The following BTAF1 variants were observed in gnomAD, a reference collection of about 807,000 sequenced individuals.
The protein encoded by BTAF1 is TATA-binding protein-associated factor 172.
Under a neutral mutation model 227.1 loss-of-function variants are expected in BTAF1, and 38 were observed. That is an observed-to-expected ratio of 0.17 (90% CI 0.13 to 0.22). The LOEUF is 0.22. Ranked by LOEUF, BTAF1 falls within the 10% of genes least tolerant of loss-of-function variation. The pLI, the probability that BTAF1 is intolerant of heterozygous loss-of-function variation, is 1.00. For missense variants in BTAF1, 1,598 were observed against 2,204.0 expected (o/e 0.73, Z 5.51); for synonymous variants, 742 against 751.9 (o/e 0.99, Z 0.21).
intron 7 of BTAF1, among the ~76,000 whole-genome samples, chr10:91,956,989 C>CA (rs1249009234): frequency 0.011 from 1,459 of 138,850 alleles, 18 homozygotes; most frequent in African/African-American, 0.035. Flanking sequence ...GTCTCTGTCT[C>CA]AAAAAAAAAA....
chr10:92,012,688 T>C (rs1303308328), intron 30 of BTAF1, among the ~76,000 whole-genome samples: 2 of 147,280 alleles, frequency 1.4e-5, no homozygotes, highest in Non-Finnish European at 3.0e-5. Flanking sequence ...AGAGAATCAC[T>C]TGAACCCGTG....
chr10:92,009,338 A>T (rs370343163), intron 28 of BTAF1, 130 bp downstream of exon 28: 1 of 957,752 alleles, frequency 1.0e-6, no homozygotes. Context: ...CACTTATGAA[A>T]AGTGAATGTA....
In BTAF1 at chr10:91,924,073, G is replaced by T. The variant is rs760151760; in HGVS notation, c.-4G>T. ...GGGGAGCTCCGAACCGCCGGCGCCC[G>T]GCCATGGCGGTCTCCAGGTGGGTCT... On this transcript the variant is annotated 5_prime_UTR_variant, in exon 1 of 38. Transcript: ENST00000265990. 3 of 1,608,512 alleles carry T rather than the reference G, an allele frequency of 1.9e-6. No individual in the cohort carries two copies. The highest frequency in any genetic ancestry group is 2.2e-5 in the East Asian group (1 of 44,452).
rs1850058218 is a variant in BTAF1 at position 92,008,167 on chromosome 10, A to G, written c.3705A>G (p.Gln1235=). The G allele has an allele frequency of 1.9e-6, 3 of 1,595,998 alleles. No homozygotes were observed. Among genetic ancestry groups the G allele is most frequent in the Non-Finnish European group, 2.6e-6 (3 of 1,176,254 alleles). ...DPPNMSAELI[Q]LKAKERHFLE... The stretch of plus-strand genomic sequence containing the variant: ...CAAACATGTCAGCAGAATTAATCCA[A>G]TTGAAAGCCAAGGAGCGACACTTTT... The change falls in exon 26 of 38, where the codon CAA becomes CAG. Residue 1235 remains glutamine, a synonymous_variant. Coordinates refer to ENST00000265990, the MANE Select transcript of BTAF1 (RefSeq NM_003972.3).
rs554692840 is a variant in BTAF1 at position 92,024,738 on chromosome 10, T to TTGTTTTTTTG, written c.4864-17_4864-16insGTTTTTTTGT. On this transcript the variant is annotated splice_polypyrimidine_tract_variant and intron_variant, in intron 34 of 37. Coordinates refer to ENST00000265990, the MANE Select transcript of BTAF1 (RefSeq NM_003972.3). ...TTTATTGAACGCTTATGTAGTTTTTTTTTTTTTTCTTCCTAAGTTGCTGTT... is the reference window on the plus strand; with the variant it reads ...TTTATTGAACGCTTATGTAGTTTTTTTGTTTTTTTGTTTTTTTTCTTCCTAAGTTGCTGTT... 74 of 1,570,664 alleles carry TTGTTTTTTTG rather than the reference T, an allele frequency of 4.7e-5. No homozygotes were observed. The highest frequency in any genetic ancestry group is 5.8e-5 in the Non-Finnish European group (68 of 1,166,040).
At chr10:91,962,073 T>G (rs1846563014) in intron 11 of BTAF1, among the ~76,000 whole-genome samples, 1 of 152,198 alleles carries the variant, frequency 6.6e-6, no homozygotes, top group African/African-American at 2.4e-5. Context: ...GATGTTACAT[T>G]TTTGTTTATG....
At chr10:91,982,497 A>G in intron 17 of BTAF1, 90 bp from the exon 18 acceptor site, 1 of 1,437,050 alleles carries the variant, frequency 7.0e-7, no homozygotes, top group Non-Finnish European at 9.3e-7. Flanking sequence ...TGCTTCAAGT[A>G]ATTATAGGAA....
chr10:91,948,992 G>A (rs4933705), intron 4 of BTAF1, among the ~76,000 whole-genome samples: 45,955 of 151,996 alleles, frequency 0.3, 8,534 homozygotes, highest in South Asian at 0.52. Flanking sequence ...TTTACATTGA[G>A]CGTTGTTATA....
chr10:91,991,279 T>TATATATATATATAA (rs1848731293), intron 20 of BTAF1, among the ~76,000 whole-genome samples: 1 of 98,422 alleles, frequency 1.0e-5, no homozygotes, highest in Non-Finnish European at 2.3e-5. Context: ...TAAATATATA[T>TATATATATATATAA]ATATATATAT....
Position 92,008,820 on chromosome 10 carries a change from C to T in BTAF1, c.3814-9C>T, listed in dbSNP as rs1564714080. 2 of 1,557,646 alleles carry T rather than the reference C, an allele frequency of 1.3e-6. No individual in the cohort carries two copies. The highest frequency in any genetic ancestry group is 1.7e-6 in the Non-Finnish European group (2 of 1,153,630). On this transcript the variant is annotated splice_polypyrimidine_tract_variant and intron_variant, in intron 26 of 37. Coordinates refer to ENST00000265990, the MANE Select transcript of BTAF1 (RefSeq NM_003972.3). ...ATGTATTCACATTTATGATTTTTCTCTCTATCAGGATGGTGTGAACTGGTT... is the reference window on the plus strand; with the variant it reads ...ATGTATTCACATTTATGATTTTTCTTTCTATCAGGATGGTGTGAACTGGTT...
At chr10:91,933,576 G>C (rs575799169) in intron 1 of BTAF1, among the ~76,000 whole-genome samples, 1 of 152,302 alleles carries the variant, frequency 6.6e-6, no homozygotes, top group African/African-American at 2.4e-5. Flanking sequence ...AGTATTGTAA[G>C]AATGGGGTGC....
intron 4 of BTAF1, among the ~76,000 whole-genome samples, chr10:91,946,938 C>G (rs1845410006): frequency 6.6e-6 from 1 of 151,576 alleles, no homozygotes. Flanking sequence ...CTCCTGAGTT[C>G]AAATGATTCT....
At chr10:91,959,251 G>A in intron 9 of BTAF1, 97 bp downstream of exon 9, 1 of 1,579,152 alleles carries the variant, frequency 6.3e-7, no homozygotes, top group Non-Finnish European at 8.6e-7. Flanking sequence ...AAGTAGGAAT[G>A]AGAGGTAAAT....
intron 30 of BTAF1, among the ~76,000 whole-genome samples, chr10:92,012,895 G>A (rs1850470457): frequency 6.6e-6 from 1 of 151,954 alleles, no homozygotes; most frequent in East Asian, 1.9e-4. Context: ...GTAATTTAAA[G>A]TATGTTATTG....
chr10:91,982,530 T>G, intron 17 of BTAF1, 57 bp from the exon 18 acceptor site: 1 of 1,519,814 alleles, frequency 6.6e-7, no homozygotes, highest in Non-Finnish European at 8.8e-7. Flanking sequence ...TCCCGAAGTA[T>G]GGGGAAACTT....
chr10:91,929,893 A>C (rs1255064179), intron 1 of BTAF1, among the ~76,000 whole-genome samples: 1 of 152,130 alleles, frequency 6.6e-6, no homozygotes, highest in African/African-American at 2.4e-5. Flanking sequence ...TGACAGAAGG[A>C]ACTATTGTAA....
At chr10:92,027,657 A>G (rs1202820845) in intron 37 of BTAF1, among the ~76,000 whole-genome samples, 2 of 152,168 alleles carry the variant, frequency 1.3e-5, no homozygotes, top group East Asian at 3.9e-4. Flanking sequence ...TTCTATACCT[A>G]TTTTACTACA....
At chr10:91,991,288 A>ATATATATATATATATATATATATT (rs1329964402) in intron 20 of BTAF1, among the ~76,000 whole-genome samples, 14 of 133,122 alleles carry the variant, frequency 1.1e-4, no homozygotes, top group Non-Finnish European at 6.4e-5. Context: ...ATATATATAT[A>ATATATATATATATATATATATATT]TATAAATTAT....
intron 18 of BTAF1, among the ~76,000 whole-genome samples, chr10:91,983,378 T>C (rs1331212759): frequency 1.3e-5 from 2 of 152,262 alleles, no homozygotes; most frequent in African/African-American, 4.8e-5. Context: ...GAAATTTAAC[T>C]GTCTGCACTT....
Sources: allele counts gnomAD v4.1 joint callset (sites outside exome capture counted in the v4.1 genomes callset), GRCh38; gene constraint gnomAD v4.1.1; transcripts MANE v1.5; gene names NCBI Gene and HGNC (gene_info 2026-07-23, HGNC 2026-07-21).